Variants in WDR27 observed in about 807,000 individuals in gnomAD.
WDR27 encodes WD repeat domain 27, also known as WD repeat-containing protein 27.
A neutral mutation model predicts 114.4 loss-of-function variants in WDR27; 100 were observed. The ratio of observed to expected loss-of-function variants is 0.87; its 90% CI spans 0.74 to 1.03. WDR27 has a LOEUF of 1.03. WDR27 is among the 50% of genes least tolerant of loss of function. WDR27 has a pLI of 0.00. For synonymous variants in WDR27, 449 were observed against 423.1 expected, an observed-to-expected ratio of 1.06 and a Z score of -0.75; for missense variants, 1,129 against 1,092.9, an observed-to-expected ratio of 1.03 and a Z score of -0.47.
chr6:169,697,480 T>C (rs1006050443), intron 1 of WDR27, among the ~76,000 whole-genome samples: 1 of 152,194 alleles, frequency 6.6e-6, no homozygotes, highest in Admixed American at 6.5e-5. Context: ...CCTCTACCTC[T>C]TGTGGAGGGC....
chr6:169,640,964 C>T (rs1473071222), intron 17 of WDR27, among the ~76,000 whole-genome samples: 1 of 151,930 alleles, frequency 6.6e-6, no homozygotes, highest in East Asian at 1.9e-4. Context: ...CTACTCATGC[C>T]CTTCCTTCTT....
At chr6:169,665,404 A>G in intron 7 of WDR27, 82 bp downstream of exon 7, 1 of 1,525,278 alleles carries the variant, frequency 6.6e-7, no homozygotes. Flanking sequence ...AATACAAAGT[A>G]GCATGAAGAC....
chr6:169,664,234 A>AC lies in WDR27; in HGVS notation c.835dup (p.Val279GlyfsTer2). The AC allele has an allele frequency of 1.2e-6, 2 of 1,613,668 alleles. No homozygotes were observed. Among genetic ancestry groups the AC allele is most frequent in the Non-Finnish European group, 1.7e-6 (2 of 1,179,698 alleles). On this transcript the variant is annotated frameshift_variant, in exon 8 of 26. Transcript: ENST00000448612. LOFTEE classifies it high-confidence loss of function. Reference sequence around the variant, plus strand: ...AGTCTCTGTCTTCTTCCTTAGGTCAACCCGTGCCACACGACGATAATGGTG... The same window carrying AC: ...AGTCTCTGTCTTCTTCCTTAGGTCAACCCCGTGCCACACGACGATAATGGTG...
chr6:169,583,481 A>G (rs73790037), intron 23 of WDR27, among the ~76,000 whole-genome samples: 53,731 of 88,824 alleles, frequency 0.6, 12,403 homozygotes, highest in East Asian at 0.86. Flanking sequence ...GTGTGTGTGT[A>G]TATATACATA....
At chr6:169,658,998 T>G in intron 12 of WDR27, 88 bp downstream of exon 12, 18 of 1,415,812 alleles carry the variant, frequency 1.3e-5, no homozygotes, top group East Asian at 5.1e-5. Context: ...GAGCTCAGAG[T>G]TTTCTAATCT....
intron 12 of WDR27, 113 bp downstream of exon 12, chr6:169,658,973 C>T (rs1584969499): frequency 7.1e-7 from 1 of 1,403,496 alleles, no homozygotes; most frequent in Non-Finnish European, 9.3e-7. Context: ...AGGCGTGAGC[C>T]ACCGCGCCCG....
intron 25 of WDR27, among the ~76,000 whole-genome samples, chr6:169,464,120 C>G (rs959331632): frequency 1.3e-5 from 2 of 152,138 alleles, no homozygotes; most frequent in African/African-American, 2.4e-5. Flanking sequence ...TTTCTGATTT[C>G]AAAACTTACT....
At chr6:169,664,080 C>A in intron 8 of WDR27, 86 bp downstream of exon 8, 1 of 1,255,834 alleles carries the variant, frequency 8.0e-7, no homozygotes, top group African/African-American at 1.5e-5. Context: ...CTCTCTCTCC[C>A]CTGTGTGACC....
chr6:169,555,623 T>A (rs1188267833), intron 25 of WDR27, among the ~76,000 whole-genome samples: 1 of 150,808 alleles, frequency 6.6e-6, no homozygotes. Flanking sequence ...CAATCTTAAG[T>A]GAGTAATTTT....
intron 25 of WDR27, among the ~76,000 whole-genome samples, chr6:169,461,300 G>T (rs1784877100): frequency 6.6e-6 from 1 of 152,062 alleles, no homozygotes; most frequent in Non-Finnish European, 1.5e-5. Context: ...TACCAAACAA[G>T]AACAGCATAC....
In WDR27 at chr6:169,659,584, C is replaced by A; in HGVS notation, c.1130-66G>T. 1 of 1,474,934 alleles carries A rather than the reference C, an allele frequency of 6.8e-7. No homozygotes were observed. The allele number at this position is 1,474,934 out of a possible 1,614,324, so 91.4% of individuals were successfully genotyped here. A position where few individuals can be genotyped will look rare whatever the true frequency, so the allele number is the denominator to read the frequency against. On this transcript the variant is annotated intron_variant, in intron 10 of 25. Coordinates refer to ENST00000448612, the MANE Select transcript of WDR27 (RefSeq NM_182552.5). This position sits in a 1 kb window ranked among gnomAD's most constrained non-coding sequence, Gnocchi z 4.3. ...GAGGTAGCACATACACACGGAGTCA[C>A]TGCCCAGAGCCCACCACACACAGCC... is the stretch of plus-strand genomic sequence containing the variant.
intron 12 of WDR27, 149 bp from the exon 13 acceptor site, chr6:169,658,507 G>A: frequency 1.6e-6 from 1 of 628,042 alleles, no homozygotes; most frequent in Non-Finnish European, 2.8e-6. Context: ...ACTGTCAAGT[G>A]TATTCTTATC....
chr6:169,673,966 A>C (rs1453213672), intron 2 of WDR27, among the ~76,000 whole-genome samples: 1 of 152,230 alleles, frequency 6.6e-6, no homozygotes, highest in Non-Finnish European at 1.5e-5. Flanking sequence ...GTAAAGATGA[A>C]CTGGAAATAA....
At chr6:169,464,140 T>C (rs578131283) in intron 25 of WDR27, among the ~76,000 whole-genome samples, 1 of 152,302 alleles carries the variant, frequency 6.6e-6, no homozygotes, top group South Asian at 2.1e-4. Context: ...TATTAATACA[T>C]ATCTTCAATA....
Position 169,624,256 on chromosome 6 carries a change from C to T in WDR27, c.2223+8691G>A, listed in dbSNP as rs116091037. Among the ~76,000 whole-genome samples, 1,241 of 142,948 alleles carry T rather than the reference C, an allele frequency of 8.7e-3. 13 individuals carry two copies. Among genetic ancestry groups the T allele is most frequent in the African/African-American group, 0.031 (1,161 of 37,712 alleles). The allele number at this position is 142,948 out of a possible 152,430, so 93.8% of individuals were successfully genotyped here. A position where few individuals can be genotyped will look rare whatever the true frequency, so the allele number is the denominator to read the frequency against. On this transcript the variant is annotated intron_variant, in intron 21 of 25. Transcript: ENST00000448612. ...GGTGTGCCATGTGGGGCGTCAGGTG[C>T]GCAGTGTGTGGCGTGTGGTGTCAGG...
chr6:169,430,365 G>T, the WDR27 span, among the ~76,000 whole-genome samples: 1 of 152,194 alleles, frequency 6.6e-6, no homozygotes, highest in Admixed American at 6.5e-5. Flanking sequence ...AGGACCAGAC[G>T]GTCTGGTAGA....
chr6:169,547,626 C>G (rs573066453), intron 25 of WDR27, among the ~76,000 whole-genome samples: 1 of 152,246 alleles, frequency 6.6e-6, no homozygotes, highest in South Asian at 2.1e-4. Context: ...AATAAAAATT[C>G]TCAGTAAACT....
intron 21 of WDR27, among the ~76,000 whole-genome samples, chr6:169,621,953 A>T (rs904422676): frequency 1.3e-5 from 2 of 152,198 alleles, no homozygotes; most frequent in African/African-American, 2.4e-5. Flanking sequence ...TGGGCCCCCA[A>T]ATCACCAAGC....
At chr6:169,563,591 A>G (rs1458047973) in intron 25 of WDR27, among the ~76,000 whole-genome samples, 1 of 152,208 alleles carries the variant, frequency 6.6e-6, no homozygotes, top group African/African-American at 2.4e-5. Flanking sequence ...AACTGTGCTC[A>G]CGAGAGACAA....
Sources: allele counts gnomAD v4.1 joint callset (sites outside exome capture counted in the v4.1 genomes callset), GRCh38; gene constraint gnomAD v4.1.1; non-coding constraint Gnocchi (gnomAD v3.1); transcripts MANE v1.5; gene names NCBI Gene and HGNC (gene_info 2026-07-23, HGNC 2026-07-21).